Variants in NOL4 observed in about 807,000 individuals in gnomAD.
NOL4 encodes cancer/testis antigen 125.
Under a neutral mutation model 75.9 loss-of-function variants are expected in NOL4, and 17 were observed. The observed-to-expected ratio is 0.22, with a 90% CI of 0.15 to 0.34. The LOEUF is 0.34. Ranked by LOEUF, NOL4 falls within the 10% of genes least tolerant of loss-of-function variation. The pLI, the probability that NOL4 is intolerant of heterozygous loss-of-function variation, is 1.00. For missense variants in NOL4, 614 were observed against 793.5 expected (o/e 0.77, Z 2.72); for synonymous variants, 292 against 289.9 (o/e 1.01, Z -0.07).
intron 6 of NOL4, among the ~76,000 whole-genome samples, chr18:33,963,289 T>C (rs1333492434): frequency 6.6e-6 from 1 of 152,186 alleles, no homozygotes; most frequent in African/African-American, 2.4e-5. Flanking sequence ...GCTTTACAGA[T>C]TGCAATTCAA....
At chr18:33,900,162 T>C (rs934485037) in intron 9 of NOL4, among the ~76,000 whole-genome samples, 1 of 152,124 alleles carries the variant, frequency 6.6e-6, no homozygotes, top group Admixed American at 6.6e-5. Flanking sequence ...TGGTGAGGTC[T>C]CAGAAAGCTT....
intron 5 of NOL4, among the ~76,000 whole-genome samples, chr18:34,079,435 T>G (rs2077897856): frequency 6.6e-6 from 1 of 151,656 alleles, no homozygotes. Flanking sequence ...TGTGTATCTG[T>G]GAGATTTTCC....
chr18:34,105,673 T>C (rs941768386), intron 2 of NOL4, among the ~76,000 whole-genome samples: 6 of 152,014 alleles, frequency 3.9e-5, no homozygotes, highest in African/African-American at 1.2e-4. Context: ...AACTTATGTA[T>C]ATATTTACTG....
chr18:34,075,962 C>T (rs1356027904), intron 5 of NOL4, among the ~76,000 whole-genome samples: 1 of 151,946 alleles, frequency 6.6e-6, no homozygotes, highest in Non-Finnish European at 1.5e-5. Context: ...ATTGCTAAGG[C>T]TTTATTTTTT....
intron 5 of NOL4, among the ~76,000 whole-genome samples, chr18:34,080,693 A>T (rs1183829809): frequency 6.6e-6 from 1 of 152,152 alleles, no homozygotes; most frequent in African/African-American, 2.4e-5. Flanking sequence ...CTGGCCACAA[A>T]CATCATCATC....
chr18:33,915,539 G>A (rs779515013), intron 9 of NOL4, among the ~76,000 whole-genome samples: 4 of 152,094 alleles, frequency 2.6e-5, no homozygotes, highest in South Asian at 4.1e-4. Context: ...TGGAATAGGC[G>A]AGAGGCGATG....
At chr18:33,950,414 A>T (rs1041327448) in intron 8 of NOL4, among the ~76,000 whole-genome samples, 1 of 152,156 alleles carries the variant, frequency 6.6e-6, no homozygotes, top group Non-Finnish European at 1.5e-5. Flanking sequence ...AAATTATCTT[A>T]TCTCTCAACT....
intron 10 of NOL4, among the ~76,000 whole-genome samples, chr18:33,873,124 C>G (rs143966964): frequency 6.6e-6 from 1 of 152,080 alleles, no homozygotes; most frequent in African/African-American, 2.4e-5. Flanking sequence ...GTTACTACCA[C>G]GCAGATCTTC....
At chr18:34,044,923 A>C (rs764763101) in intron 5 of NOL4, among the ~76,000 whole-genome samples, 45 of 152,116 alleles carry the variant, frequency 3.0e-4, no homozygotes, top group South Asian at 8.3e-4. Flanking sequence ...TTACTTTATC[A>C]CACTGCCCAC....
At chr18:34,136,836 C>T (rs765911133) in intron 1 of NOL4, among the ~76,000 whole-genome samples, 2 of 151,800 alleles carry the variant, frequency 1.3e-5, no homozygotes, top group African/African-American at 4.8e-5. Context: ...TATGTAAATT[C>T]AAGGAAACGA....
At chr18:34,128,612 A>C (rs972742709) in intron 2 of NOL4, among the ~76,000 whole-genome samples, 13 of 151,922 alleles carry the variant, frequency 8.6e-5, no homozygotes, top group African/African-American at 2.7e-4. Flanking sequence ...GTAAGTCAAA[A>C]GAAAGTTTAT....
intron 1 of NOL4, among the ~76,000 whole-genome samples, chr18:34,149,238 AT>A (rs574652162): frequency 6.0e-4 from 91 of 151,798 alleles, no homozygotes; most frequent in African/African-American, 2.1e-3. Flanking sequence ...ATGATTAAAA[AT>A]AGGTCAAAAT....
chr18:33,967,311 C>T (rs2070685542), intron 6 of NOL4, among the ~76,000 whole-genome samples: 1 of 152,116 alleles, frequency 6.6e-6, no homozygotes, highest in South Asian at 2.1e-4. Flanking sequence ...CCTATCACCA[C>T]ATACACAAAT....
intron 5 of NOL4, among the ~76,000 whole-genome samples, chr18:34,030,506 C>T (rs960831319): frequency 3.9e-5 from 6 of 152,100 alleles, no homozygotes; most frequent in Non-Finnish European, 5.9e-5. Context: ...TAGGCATATA[C>T]TCTTTGGTAA....
At chr18:34,117,168 A>G (rs1396783482) in intron 2 of NOL4, among the ~76,000 whole-genome samples, 1 of 152,170 alleles carries the variant, frequency 6.6e-6, no homozygotes, top group Non-Finnish European at 1.5e-5. Flanking sequence ...GAGTTTCATC[A>G]TTTAATCCTC....
At chr18:33,921,369 T>C (rs1253892856) in intron 9 of NOL4, among the ~76,000 whole-genome samples, 2 of 152,132 alleles carry the variant, frequency 1.3e-5, no homozygotes, top group Admixed American at 6.6e-5. Context: ...AGGACATGAA[T>C]TGTGGAGGGT....
chr18:34,188,469 T>C (rs988974270), intron 1 of NOL4, among the ~76,000 whole-genome samples: 5 of 152,240 alleles, frequency 3.3e-5, no homozygotes, highest in African/African-American at 1.2e-4. Flanking sequence ...CAATACAGTA[T>C]TTAATACAGT....
At chr18:34,023,559 C>G in intron 5 of NOL4, 1 of 451,850 alleles carries the variant, frequency 2.2e-6, no homozygotes. Flanking sequence ...AGGTTTCAGC[C>G]TGGGTACCAT....
chr18:34,136,420 T>G (rs1224090851), intron 1 of NOL4, among the ~76,000 whole-genome samples: 5 of 152,180 alleles, frequency 3.3e-5, no homozygotes, highest in Non-Finnish European at 7.4e-5. Context: ...ATGCTTTGTG[T>G]GTCACGAATG....
Sources: gnomAD v4.1 joint callset for allele counts (sites outside exome capture counted in the v4.1 genomes callset) on GRCh38, gnomAD v4.1.1 for gene constraint, MANE v1.5 for transcripts, NCBI Gene and HGNC (gene_info 2026-07-23, HGNC 2026-07-21) for gene names.